The following CHD6 variants were observed in gnomAD, a reference collection of about 807,000 sequenced individuals.
CHD6 encodes chromodomain helicase DNA binding protein 6.
CHD6 carries 50 observed loss-of-function variants against 276.9 expected under a neutral mutation model. The ratio of observed to expected loss-of-function variants is 0.18; its 90% confidence interval spans 0.14 to 0.23. The LOEUF is 0.23. Ranked by LOEUF, CHD6 falls within the 10% of genes least tolerant of loss-of-function variation. The pLI is 1.00. For missense variants in CHD6, 2,564 were observed against 3,365.8 expected, an observed-to-expected ratio of 0.76 and a Z score of 5.89; for synonymous variants, 1,173 against 1,229.3, an observed-to-expected ratio of 0.95 and a Z score of 0.96.
chr20:41,404,451 C>CAGGA lies in CHD6; in HGVS notation c.*141_*142insTCCT, dbSNP rs1367745901. 2.2e-6 allele frequency: 3 copies of CAGGA among 1,354,288 alleles called. No individual in the cohort carries two copies. Among genetic ancestry groups the CAGGA allele is most frequent in the Non-Finnish European group, 2.8e-6 (3 of 1,052,672 alleles). 83.9% of individuals were successfully genotyped at this position (1,354,288 alleles called of 1,614,324 possible). A position where few individuals can be genotyped will look rare whatever the true frequency, so the allele number is the denominator to read the frequency against. ...ACCCTGCAACTATTAACATCTGTTA[C>CAGGA]CATAGTTCTCAGACAGGAAATCAGG... On this transcript the variant is annotated 3_prime_UTR_variant, in exon 37 of 37. Coordinates refer to ENST00000373233, the MANE Select transcript of CHD6 (RefSeq NM_032221.5).
At chr20:41,529,730 AAG>A (rs1427679067) in intron 3 of CHD6, among the ~76,000 whole-genome samples, 2 of 152,074 alleles carry the variant, frequency 1.3e-5, no homozygotes, top group Non-Finnish European at 2.9e-5. Flanking sequence ...CAGAGATGGA[AAG>A]AGAGGGAGAT....
intron 1 of CHD6, among the ~76,000 whole-genome samples, chr20:41,593,875 T>C (rs1431481096): frequency 6.6e-6 from 1 of 152,144 alleles, no homozygotes; most frequent in Non-Finnish European, 1.5e-5. Context: ...GACATCTTGA[T>C]CTTGGACTTC....
At chr20:41,591,405 CACATAT>C (rs200040381) in intron 1 of CHD6, among the ~76,000 whole-genome samples, 1 of 124,904 alleles carries the variant, frequency 8.0e-6, no homozygotes, top group African/African-American at 3.2e-5. Context: ...CACACACACA[CACATAT>C]ATATATACAT....
chr20:41,457,336 G>C lies in CHD6; in HGVS notation c.2757C>G (p.Asp919Glu), dbSNP rs745721731. 13 of 1,614,148 alleles carry C rather than the reference G, an allele frequency of 8.1e-6. No homozygotes were observed. Among genetic ancestry groups the C allele is most frequent in the Non-Finnish European group, 1.1e-5 (13 of 1,179,992 alleles). The change falls in exon 18 of 37, where the codon GAC becomes GAG. Residue 919 changes from aspartate to glutamate, a missense_variant. Coordinates refer to ENST00000373233, the MANE Select transcript of CHD6 (RefSeq NM_032221.5). Reference protein sequence around the residue: ...TRNSYEREMFDKASLKLGLDK... With the variant: ...TRNSYEREMFEKASLKLGLDK... Reference sequence around the variant, plus strand: ...CCAGCCCCAGCTTTAGGCTGGCCTTGTCAAACATCTCGCGCTCGTAGGAAT... The same window carrying C: ...CCAGCCCCAGCTTTAGGCTGGCCTTCTCAAACATCTCGCGCTCGTAGGAAT...
chr20:41,582,342 A>AT (rs1445867330), intron 1 of CHD6, among the ~76,000 whole-genome samples: 1 of 152,222 alleles, frequency 6.6e-6, no homozygotes, highest in Non-Finnish European at 1.5e-5. Flanking sequence ...CCAAGGGGAA[A>AT]TTCTTGATAA....
chr20:41,423,172 C>T (rs1254103936), intron 30 of CHD6, among the ~76,000 whole-genome samples: 1 of 152,154 alleles, frequency 6.6e-6, no homozygotes, highest in African/African-American at 2.4e-5. Context: ...TAGGATAAAT[C>T]TGAACATGAC....
intron 1 of CHD6, among the ~76,000 whole-genome samples, chr20:41,589,712 T>C (rs2146257760): frequency 6.6e-6 from 1 of 152,106 alleles, no homozygotes; most frequent in African/African-American, 2.4e-5. Flanking sequence ...CTCAACGAAA[T>C]AAAAGAGGAC....
At chr20:41,580,561 G>A (rs768309582) in intron 1 of CHD6, among the ~76,000 whole-genome samples, 6 of 150,654 alleles carry the variant, frequency 4.0e-5, no homozygotes, top group Non-Finnish European at 8.8e-5. Flanking sequence ...TTGGAAGGCT[G>A]AGACAGGAGG....
At chr20:41,513,829 G>C (rs1282879958) in intron 4 of CHD6, among the ~76,000 whole-genome samples, 1 of 152,140 alleles carries the variant, frequency 6.6e-6, no homozygotes, top group Non-Finnish European at 1.5e-5. Context: ...CCTCCTGAGT[G>C]TCTCTCTTCT....
chr20:41,614,398 C>G (rs905988026), intron 1 of CHD6, among the ~76,000 whole-genome samples: 4 of 152,208 alleles, frequency 2.6e-5, no homozygotes, highest in African/African-American at 9.6e-5. Flanking sequence ...CTAAGTCCTT[C>G]ATTATGACTA....
chr20:41,523,641 T>C (rs1339645967), intron 3 of CHD6, among the ~76,000 whole-genome samples: 1 of 151,658 alleles, frequency 6.6e-6, no homozygotes, highest in Non-Finnish European at 1.5e-5. Flanking sequence ...AACGTGTTTT[T>C]TGTTTTTTGT....
intron 17 of CHD6, chr20:41,459,338 C>T (rs6129843): frequency 0.23 from 34,770 of 152,382 alleles, 4,135 homozygotes; most frequent in East Asian, 0.38. Context: ...CAAAGCAGGG[C>T]TAAAGGAGGG....
chr20:41,420,944 A>G lies in CHD6; in HGVS notation c.5691T>C (p.Thr1897=). The part of the protein sequence containing the change: ...RPEVLHLTEP[T]TNISREKNQG... ...GGTTCTTTTCCCTTGAGATGTTAGT[A>G]GTGGGCTCCGTGAGATGCAATACCT... Residue 1897 remains threonine, a synonymous_variant, in exon 31 of 37, where the codon ACT becomes ACC. Coordinates refer to ENST00000373233, the MANE Select transcript of CHD6 (RefSeq NM_032221.5). 6.2e-7 allele frequency: 1 copy of G among 1,614,200 alleles called. No individual in the cohort carries two copies. The highest frequency in any genetic ancestry group is 1.1e-5 in the South Asian group (1 of 91,074).
At chr20:41,427,165 C>T (rs1475606453) in intron 27 of CHD6, among the ~76,000 whole-genome samples, 1 of 150,924 alleles carries the variant, frequency 6.6e-6, no homozygotes, top group East Asian at 1.9e-4. Flanking sequence ...ACTATCTGGT[C>T]CTTTACTTGC....
intron 8 of CHD6, among the ~76,000 whole-genome samples, chr20:41,494,338 T>C (rs1196879597): frequency 6.6e-6 from 1 of 152,216 alleles, no homozygotes; most frequent in African/African-American, 2.4e-5. Flanking sequence ...TGAGGGAAGC[T>C]TCCTGGGTGC....
intron 1 of CHD6, among the ~76,000 whole-genome samples, chr20:41,574,300 G>A (rs980315086): frequency 1.3e-5 from 2 of 152,104 alleles, no homozygotes; most frequent in Non-Finnish European, 2.9e-5. Context: ...CAAAGATGAC[G>A]TGGGAGCTCC....
At chr20:41,488,006 C>T (rs1398227731) in intron 13 of CHD6, among the ~76,000 whole-genome samples, 198 bp from the exon 14 acceptor site, 2 of 152,154 alleles carry the variant, frequency 1.3e-5, no homozygotes, top group African/African-American at 4.8e-5. Context: ...ATTCCAGCAG[C>T]ACGTTCATGT....
At chr20:41,613,160 TCCACTAAAAATTAG>T (rs1568734364) in intron 1 of CHD6, among the ~76,000 whole-genome samples, 1 of 152,182 alleles carries the variant, frequency 6.6e-6, no homozygotes, top group Non-Finnish European at 1.5e-5. Flanking sequence ...AAGGAAGAAC[TCCACTAAAAATTAG>T]CACTAATGGA....
intron 35 of CHD6, 28 bp downstream of exon 35, chr20:41,413,296 A>T (rs761511425): frequency 6.6e-7 from 1 of 1,520,192 alleles, no homozygotes; most frequent in Admixed American, 2.0e-5. Context: ...GTAAACAGTG[A>T]TCTCAGGCAG....
Sources: gnomAD v4.1 joint callset for allele counts (sites outside exome capture counted in the v4.1 genomes callset) on GRCh38, gnomAD v4.1.1 for gene constraint, MANE v1.5 for transcripts, NCBI Gene and HGNC (gene_info 2026-07-23, HGNC 2026-07-21) for gene names.